Variants in GAS2L1 observed in about 807,000 individuals in gnomAD.
The protein encoded by GAS2L1 is GAS2-like protein 1.
In GAS2L1, 26 loss-of-function variants were observed where a neutral mutation model predicts 44.0. That is an observed-to-expected ratio of 0.59 (90% confidence interval 0.43 to 0.82). The LOEUF (loss-of-function observed/expected upper bound fraction) is 0.82, where lower values mean the gene tolerates loss of function less well. Ranked by LOEUF, GAS2L1 falls within the 40% of genes least tolerant of loss-of-function variation. The pLI, the probability that GAS2L1 is intolerant of heterozygous loss-of-function variation, is 0.00. For missense variants in GAS2L1, 1,006 were observed against 983.0 expected (o/e 1.02, Z -0.31); for synonymous variants, 426 against 415.9 (o/e 1.02, Z -0.30).
chr22:29,312,344 G>A lies in GAS2L1; in HGVS notation c.1893G>A (p.Trp631Ter). The A allele has an allele frequency of 6.2e-7, 1 of 1,604,870 alleles. No individual in the cohort carries two copies. The highest frequency in any genetic ancestry group is 8.5e-7 in the Non-Finnish European group (1 of 1,173,662). ...CTTGCACTGAACCCTCGAGGACCTGGGCACGGGGTCGGATGGACACACAGC... is the reference window on the plus strand; with the variant it reads ...CTTGCACTGAACCCTCGAGGACCTGAGCACGGGGTCGGATGGACACACAGC... Residue 631 changes from tryptophan to a stop codon, truncating the protein, a stop_gained, in exon 5 of 5, where the codon TGG (tryptophan) becomes TGA (stop). Coordinates refer to ENST00000618518, the Ensembl canonical transcript of GAS2L1. LOFTEE classifies it high-confidence loss of function.
exon 1 of GAS2L1, chr22:29,307,248 G>C (rs886854883): frequency 1.3e-5 from 2 of 152,332 alleles, no homozygotes; most frequent in Non-Finnish European, 2.9e-5. Flanking sequence ...TCTGTTCCCC[G>C]GGGCTGTGTG....
At chr22:29,306,869 G>A (rs1236119966), upstream of GAS2L1, 4 of 152,236 alleles carry the variant, frequency 2.6e-5, no homozygotes, top group African/African-American at 9.7e-5. Flanking sequence ...GAGAGCGCTC[G>A]AAGACCCGGG....
exon 4 of GAS2L1, chr22:29,310,833 G>A (rs568890997): frequency 2.9e-5 from 47 of 1,609,178 alleles, no homozygotes; most frequent in South Asian, 2.4e-4. Context: ...GCAGCTCATC[G>A]CCCACCCCAG....
rs1261357781 is a variant in GAS2L1 at position 29,311,857 on chromosome 22, G to C, written c.1406G>C (p.Arg469Thr). The C allele has an allele frequency of 1.6e-5, 26 of 1,594,968 alleles. No homozygotes were observed. The East Asian group carries it at 5.8e-4, about 36-fold the overall frequency. ...GGCAGGGGCAGTGGGGGCTCGGGCAGGAGCACCCCCCAGACTCCCCGTGCC... is the reference window on the plus strand; with the variant it reads ...GGCAGGGGCAGTGGGGGCTCGGGCACGAGCACCCCCCAGACTCCCCGTGCC... Residue 469 changes from arginine (R) to threonine (T), a missense_variant, in exon 5 of 5, where the codon AGG becomes ACG. Transcript: ENST00000618518.
At chr22:29,307,771 T>G (rs2039817042) in exon 1 of GAS2L1, 1 of 207,342 alleles carries the variant, frequency 4.8e-6, no homozygotes, top group Non-Finnish European at 9.5e-6. Flanking sequence ...GTCCCAGCCC[T>G]TCACAATGGG....
In GAS2L1 at chr22:29,310,845, C is replaced by T. The variant is rs766684667; in HGVS notation, c.857C>T (p.Pro286Leu). ...CCCGCAGCTCATCGCCCACCCCAGC[C>T]GAGGGTCTGCACCTTTTCTCCACAG... The change falls in exon 4 of 5, where the codon CCG becomes CTG. Residue 286 changes from proline (P) to leucine (L), a missense_variant. Pro to Leu is a moderately conservative substitution (Grantham distance 98, BLOSUM62 -3). Transcript: ENST00000618518. 21 of 1,610,954 alleles carry T rather than the reference C, an allele frequency of 1.3e-5. No individual in the cohort carries two copies. The South Asian group carries it at 2.1e-4, about 16-fold the overall frequency.
rs537783508 is a variant in GAS2L1 at position 29,308,068 on chromosome 22, A to T, written c.-38A>T. 3.3e-6 allele frequency: 5 copies of T among 1,509,902 alleles called. No homozygotes were observed. The South Asian group carries it at 5.2e-5, about 16-fold the overall frequency. The allele number at this position is 1,509,902 out of a possible 1,614,324, so 93.5% of individuals were successfully genotyped here. On this transcript the variant is annotated 5_prime_UTR_variant, in exon 1 of 5. Coordinates refer to ENST00000618518, the Ensembl canonical transcript of GAS2L1. ...TACTGGGTCCCCACAGCGATCCTGAACTGTGTTCCTGCCCACAGTGACTCG... is the reference window on the plus strand; with the variant it reads ...TACTGGGTCCCCACAGCGATCCTGATCTGTGTTCCTGCCCACAGTGACTCG...
chr22:29,311,561 C>A, exon 5 of GAS2L1: 1 of 1,542,828 alleles, frequency 6.5e-7, no homozygotes, highest in Non-Finnish European at 8.7e-7. Flanking sequence ...TTGGTACCCG[C>A]AGTGATGACA....
chr22:29,312,674 G>A (rs1307068075), exon 5 of GAS2L1: 6 of 448,372 alleles, frequency 1.3e-5, no homozygotes, highest in African/African-American at 1.0e-4. Flanking sequence ...GGGGATGAGC[G>A]TTGCTATTTA....
chr22:29,308,440 T>A, exon 1 of GAS2L1: 1 of 1,605,394 alleles, frequency 6.2e-7, no homozygotes, highest in Non-Finnish European at 8.5e-7. Context: ...TGGTGCCGCG[T>A]GGAGCTGGGT....
At chr22:29,312,503 C>A in exon 5 of GAS2L1, 1 of 1,499,286 alleles carries the variant, frequency 6.7e-7, no homozygotes, top group Non-Finnish European at 8.9e-7. Flanking sequence ...TGTGATGGAC[C>A]AGCTCAGCTG....
intron 1 of GAS2L1, 114 bp downstream of exon 2, chr22:29,308,852 A>G (rs1425855155): frequency 4.9e-6 from 4 of 815,374 alleles, no homozygotes; most frequent in Admixed American, 3.4e-5. Context: ...TGCCCCACAA[A>G]AAGAGTGCAC....
intron 1 of GAS2L1, 164 bp from the exon 3 acceptor site, chr22:29,310,275 A>AT: frequency 2.4e-6 from 1 of 415,710 alleles, no homozygotes; most frequent in Non-Finnish European, 4.3e-6. Context: ...AAATAAAAAA[A>AT]ATAAAAGAAA....
exon 1 of GAS2L1, chr22:29,308,634 G>A (rs769281251): frequency 2.5e-6 from 4 of 1,579,968 alleles, no homozygotes; most frequent in East Asian, 2.3e-5. Flanking sequence ...AGCCCCCAAC[G>A]CCCCTGCCGC....
intron 1 of GAS2L1, 183 bp from the exon 3 acceptor site, chr22:29,310,256 A>T (rs988214214): frequency 2.4e-5 from 9 of 370,010 alleles, no homozygotes; most frequent in East Asian, 8.4e-5. Context: ...AAAAAAAAAA[A>T]ATAAAAAAAA....
exon 1 of GAS2L1, chr22:29,308,064 C>T (rs1319493667): frequency 1.3e-6 from 2 of 1,504,222 alleles, no homozygotes; most frequent in African/African-American, 1.4e-5. Context: ...CACAGCGATC[C>T]TGAACTGTGT....
exon 1 of GAS2L1, chr22:29,308,579 G>A (rs1342527789): frequency 2.5e-6 from 4 of 1,599,284 alleles, no homozygotes; most frequent in Non-Finnish European, 3.4e-6. Flanking sequence ...CACGCCTCGT[G>A]CAGTTTGAGC....
Sources: gnomAD v4.1 joint callset for allele counts on GRCh38, gnomAD v4.1.1 for gene constraint, MANE v1.5 for transcripts, NCBI Gene and HGNC (gene_info 2026-07-23, HGNC 2026-07-21) for gene names.